AFF1: variants seen among roughly 807,000 people sequenced by gnomAD.
AFF1 encodes the protein AF4/FMR2 family member 1.
In AFF1, 48 loss-of-function variants were observed where a neutral mutation model predicts 121.7. That is an observed-to-expected ratio of 0.39 (90% CI 0.31 to 0.50). The LOEUF is 0.50. AFF1 is among the 20% of genes least tolerant of loss of function. AFF1 has a pLI of 0.76. For missense variants in AFF1, 1,523 were observed against 1,511.7 expected (o/e 1.01, Z -0.12); for synonymous variants, 613 against 563.0 (o/e 1.09, Z -1.26).
At chr4:87,127,978 T>C (rs1297820315) in intron 16 of AFF1, among the ~76,000 whole-genome samples, 1 of 152,226 alleles carries the variant, frequency 6.6e-6, no homozygotes, top group Non-Finnish European at 1.5e-5. Flanking sequence ...TGGGCAGATA[T>C]ACAAAGGACC....
intron 2 of AFF1, among the ~76,000 whole-genome samples, chr4:86,999,329 C>A (rs1292589382): frequency 6.6e-6 from 1 of 152,158 alleles, no homozygotes; most frequent in African/African-American, 2.4e-5. Flanking sequence ...ACACTTTTCC[C>A]CTAGTCTTTT....
chr4:87,040,314 A>G lies in AFF1; in HGVS notation c.39-5852A>G, dbSNP rs952376966. Among the ~76,000 whole-genome samples, 7 of 152,170 alleles carry G rather than the reference A, an allele frequency of 4.6e-5. 1 individual carries two copies. The South Asian group carries it at 6.2e-4, about 14-fold the overall frequency. On this transcript the variant is annotated intron_variant, in intron 2 of 20. Transcript: ENST00000395146. ...TGTGGATCAGTTTAACCAAACATCA[A>G]TTTTGTGGCTCTGAGATGACCCTGC...
intron 2 of AFF1, among the ~76,000 whole-genome samples, chr4:87,030,557 A>C (rs934252456): frequency 5.3e-5 from 8 of 152,114 alleles, no homozygotes; most frequent in African/African-American, 1.7e-4. Context: ...TTTACTTACA[A>C]GTCTGAAACA....
chr4:86,952,308 A>G (rs1010841284), intron 2 of AFF1, among the ~76,000 whole-genome samples: 4 of 152,200 alleles, frequency 2.6e-5, no homozygotes, highest in Non-Finnish European at 1.5e-5. Context: ...ACGTCTTCCT[A>G]TAAGAATGTA....
At chr4:87,065,073 T>C (rs925524112) in intron 4 of AFF1, among the ~76,000 whole-genome samples, 4 of 152,110 alleles carry the variant, frequency 2.6e-5, no homozygotes, top group African/African-American at 9.7e-5. Flanking sequence ...ACCTTTATTT[T>C]ATGTGTCTTA....
chr4:87,009,707 A>G (rs779681287), intron 2 of AFF1, among the ~76,000 whole-genome samples: 1 of 152,234 alleles, frequency 6.6e-6, no homozygotes, highest in Non-Finnish European at 1.5e-5. Flanking sequence ...TGAGATCCAA[A>G]GAGAATATAT....
intron 2 of AFF1, among the ~76,000 whole-genome samples, chr4:87,006,630 C>T (rs1014834139): frequency 2.0e-5 from 3 of 152,228 alleles, no homozygotes; most frequent in Non-Finnish European, 4.4e-5. Context: ...GGTTTACTGC[C>T]GCGGTCTTGT....
At chr4:87,065,242 G>A (rs1560590675) in intron 4 of AFF1, among the ~76,000 whole-genome samples, 1 of 152,142 alleles carries the variant, frequency 6.6e-6, no homozygotes, top group East Asian at 1.9e-4. Flanking sequence ...TACGTGAGTG[G>A]CGGCAAAGAG....
At chr4:86,971,568 A>G (rs1315355526) in intron 2 of AFF1, among the ~76,000 whole-genome samples, 3 of 152,232 alleles carry the variant, frequency 2.0e-5, no homozygotes, top group Non-Finnish European at 4.4e-5. Flanking sequence ...ACACATGTCT[A>G]TTATAAGGCT....
chr4:86,955,532 T>A (rs1421415358), intron 2 of AFF1, among the ~76,000 whole-genome samples: 1 of 152,208 alleles, frequency 6.6e-6, no homozygotes. Context: ...GAAACTAAAA[T>A]TAATTTTTAC....
At chr4:87,052,925 G>C (rs886936521) in intron 4 of AFF1, among the ~76,000 whole-genome samples, 1 of 152,028 alleles carries the variant, frequency 6.6e-6, no homozygotes, top group African/African-American at 2.4e-5. Context: ...AGGATGGTGG[G>C]ATGATACTAG....
intron 5 of AFF1, among the ~76,000 whole-genome samples, chr4:87,088,721 A>G (rs1482697749): frequency 2.0e-5 from 3 of 151,908 alleles, no homozygotes; most frequent in African/African-American, 2.4e-5. Context: ...TCTCCTGCCA[A>G]GTAGCTGGGA....
chr4:87,061,205 T>C (rs1720752899), intron 4 of AFF1, among the ~76,000 whole-genome samples: 1 of 152,212 alleles, frequency 6.6e-6, no homozygotes, highest in Admixed American at 6.5e-5. Flanking sequence ...AGGCTGAGTA[T>C]GCCCATCCGC....
intron 2 of AFF1, among the ~76,000 whole-genome samples, chr4:87,013,029 G>GTTTTTT (rs1560539145): frequency 1.2e-5 from 1 of 84,310 alleles, no homozygotes; most frequent in African/African-American, 6.3e-5. Flanking sequence ...CTGCTATCAA[G>GTTTTTT]TTCTTTTTTT....
At chr4:87,008,887 TATGTATTTTATTTA>T (rs1387039128) in intron 2 of AFF1, among the ~76,000 whole-genome samples, 1 of 152,228 alleles carries the variant, frequency 6.6e-6, no homozygotes, top group Non-Finnish European at 1.5e-5. Flanking sequence ...TTTGTATTCT[TATGTATTTTATTTA>T]ATGTATTTAA....
intron 4 of AFF1, chr4:87,048,033 G>T (rs1397357205): frequency 3.1e-5 from 6 of 196,364 alleles, no homozygotes; most frequent in Admixed American, 2.7e-4. Context: ...AATTTTTTTT[G>T]ATTAATACCT....
chr4:86,982,773 A>G (rs1024833739), intron 2 of AFF1, among the ~76,000 whole-genome samples: 14 of 141,100 alleles, frequency 9.9e-5, no homozygotes, highest in South Asian at 2.3e-4. Context: ...GCTTGAACCC[A>G]GGAGGCGGAG....
intron 4 of AFF1, among the ~76,000 whole-genome samples, chr4:87,070,589 C>T (rs1721931054): frequency 6.6e-6 from 1 of 152,262 alleles, no homozygotes; most frequent in African/African-American, 2.4e-5. Flanking sequence ...TGCATTTATG[C>T]ATGTGCATGC....
At chr4:87,076,212 ATAACTGTAGG>A (rs1722657019) in intron 4 of AFF1, among the ~76,000 whole-genome samples, 1 of 152,140 alleles carries the variant, frequency 6.6e-6, no homozygotes, top group Non-Finnish European at 1.5e-5. Context: ...TTGTTGGGAG[ATAACTGTAGG>A]TGACCTAGAG....
Sources: allele counts gnomAD v4.1 joint callset (sites outside exome capture counted in the v4.1 genomes callset), GRCh38; gene constraint gnomAD v4.1.1; transcripts MANE v1.5; gene names NCBI Gene and HGNC (gene_info 2026-07-23, HGNC 2026-07-21).